The following NEK2 variants were observed in gnomAD, a reference collection of about 807,000 sequenced individuals.
NEK2 encodes NIMA related kinase 2.
In NEK2, 28 loss-of-function variants were observed where a neutral mutation model predicts 54.1. The observed-to-expected ratio is 0.52, with a 90% confidence interval of 0.38 to 0.71. NEK2 has a LOEUF of 0.71. Among genes scored for constraint, NEK2 ranks in the 30% least tolerant of loss-of-function variants. The probability of loss-of-function intolerance (pLI) is 0.00; values close to 1 mark genes in which losing one functional copy is unlikely to be tolerated. For synonymous variants in NEK2, 176 were observed against 193.1 expected (o/e 0.91, Z 0.73); for missense variants, 407 against 531.5 (o/e 0.77, Z 2.30).
chr1:211,674,845 C>G (rs1655526924), intron 1 of NEK2, among the ~76,000 whole-genome samples: 1 of 152,186 alleles, frequency 6.6e-6, no homozygotes, highest in African/African-American at 2.4e-5. Flanking sequence ...TGCCCCATTC[C>G]ACCCCAGTCG....
At chr1:211,661,916 T>C (rs185048144), downstream of NEK2, among the ~76,000 whole-genome samples, 95 of 152,346 alleles carry the variant, frequency 6.2e-4, no homozygotes, top group Non-Finnish European at 8.8e-4. Context: ...AGATTTCTTG[T>C]ACTTTTCACC....
In NEK2 at chr1:211,665,166, G is replaced by A. The variant is rs145758861; in HGVS notation, c.1112-1514C>T. Among the ~76,000 whole-genome samples, 681 of 152,304 alleles carry A rather than the reference G, an allele frequency of 4.5e-3. 5 individuals carry two copies. Among genetic ancestry groups the A allele is most frequent in the African/African-American group, 0.013 (556 of 41,554 alleles). ...AATATACTTGTGATGGCTTCCTCAC[G>A]TGTGGATTTTATAGCCCAAGGATGG... On this transcript the variant is annotated intron_variant, in intron 7 of 7. Transcript: ENST00000366999.
At chr1:211,660,990 C>A, downstream of NEK2, 1 of 743,548 alleles carries the variant, frequency 1.3e-6, no homozygotes, top group East Asian at 2.5e-5. Context: ...CACACCAACC[C>A]ACCATCAGGG....
At chr1:211,666,713 G>A in intron 7 of NEK2, 1 of 281,240 alleles carries the variant, frequency 3.6e-6, no homozygotes, top group Non-Finnish European at 5.4e-6. Flanking sequence ...GCAGAAGAAT[G>A]GCGTGAACCC....
chr1:211,669,062 A>T (rs768158312), intron 6 of NEK2, 51 bp downstream of exon 6: 1 of 1,493,406 alleles, frequency 6.7e-7, no homozygotes, highest in African/African-American at 1.4e-5. Flanking sequence ...AGACACATCA[A>T]AATAACCCAC....
chr1:211,664,033 T>C (rs72747012), intron 7 of NEK2, among the ~76,000 whole-genome samples: 3,239 of 151,562 alleles, frequency 0.021, 53 homozygotes, highest in South Asian at 0.058. Context: ...TACAGAAAAG[T>C]GTAGAAGCAG....
At chr1:211,660,257 A>G (rs1571636189), downstream of NEK2, 1 of 396,162 alleles carries the variant, frequency 2.5e-6, no homozygotes, top group Admixed American at 3.3e-5. Flanking sequence ...GGCATTGCAT[A>G]CTGTTCAATG....
chr1:211,667,265 TAAC>T (rs1655210865), intron 6 of NEK2, 34 bp from the exon 7 acceptor site: 2 of 1,563,910 alleles, frequency 1.3e-6, no homozygotes, highest in East Asian at 4.6e-5. Flanking sequence ...AAAAAAAAAT[TAAC>T]AACTGACCTT....
chr1:211,674,783 G>A (rs1271288504), intron 1 of NEK2, among the ~76,000 whole-genome samples: 1 of 152,196 alleles, frequency 6.6e-6, no homozygotes, highest in African/African-American at 2.4e-5. Flanking sequence ...TTAGTGGGAA[G>A]TTGGCTAAAA....
intron 3 of NEK2, 144 bp downstream of exon 3, chr1:211,673,338 TG>T: frequency 4.3e-6 from 4 of 935,942 alleles, no homozygotes; most frequent in Non-Finnish European, 6.4e-6. Context: ...CCTTTGAACC[TG>T]GGAGGCAGAG....
intron 7 of NEK2, among the ~76,000 whole-genome samples, chr1:211,666,246 T>C (rs1258804775): frequency 6.6e-6 from 1 of 152,198 alleles, no homozygotes; most frequent in Non-Finnish European, 1.5e-5. Context: ...TACCAGACTT[T>C]AAATAAAGAA....
At position 211,675,516 on chromosome 1, in the gene NEK2, G is replaced by A; in HGVS notation, c.-37C>T. 3.2e-6 allele frequency: 5 copies of A among 1,583,358 alleles called. No homozygotes were observed. The South Asian group carries it at 5.5e-5, about 18-fold the overall frequency. ...CGCCAGAGTCGCGCTGCCTCACGCA[G>A]GTTGCGCCGCCAAGTGCGGAGCTCC... On this transcript the variant is annotated 5_prime_UTR_variant, in exon 1 of 8. Coordinates refer to ENST00000366999, the MANE Select transcript of NEK2 (RefSeq NM_002497.4).
chr1:211,670,443 A>G (rs922682730), intron 4 of NEK2, 36 bp from the exon 5 acceptor site: 2 of 1,586,334 alleles, frequency 1.3e-6, no homozygotes, highest in Admixed American at 1.9e-5. Context: ...CGACGAAGAC[A>G]TTTTCAAATT....
chr1:211,668,725 A>G lies in NEK2; in HGVS notation c.985+388T>C, dbSNP rs181001470. ...ATTCTGTTGGAGTGGCCATTTCAAAAGACAAAAGTCATGGTTTTTTATTAT... is the reference window on the plus strand; with the variant it reads ...ATTCTGTTGGAGTGGCCATTTCAAAGGACAAAAGTCATGGTTTTTTATTAT... On this transcript the variant is annotated intron_variant, in intron 6 of 7. Transcript: ENST00000366999. 1.6e-3 allele frequency among the ~76,000 whole-genome samples: 249 copies of G among 152,344 alleles called. 2 individuals are homozygous for G. The highest frequency in any genetic ancestry group is 5.6e-3 in the African/African-American group (234 of 41,572).
rs765264279 is a variant in NEK2, at chr1:211,667,062, T to G, written c.1111+44A>C. ...GGGAGCAACACTGGTGCACATTTCT[T>G]CATTTGTAGCACCAGCTTCTGTTGA... is the stretch of plus-strand genomic sequence containing the variant. On this transcript the variant is annotated intron_variant, in intron 7 of 7. Transcript: ENST00000366999. The G allele has an allele frequency of 2.2e-5, 36 of 1,612,074 alleles. No homozygotes were observed. In the Admixed American group the frequency reaches 5.2e-4, roughly 23 times the overall value.
chr1:211,669,043 G>T, intron 6 of NEK2, 70 bp downstream of exon 6: 2 of 1,327,372 alleles, frequency 1.5e-6, no homozygotes, highest in Non-Finnish European at 1.1e-6. Flanking sequence ...TCTGCTCAAA[G>T]AGATATTCAG....
At chr1:211,667,044 A>G in intron 7 of NEK2, 62 bp downstream of exon 7, 1 of 1,608,608 alleles carries the variant, frequency 6.2e-7, no homozygotes, top group Non-Finnish European at 8.5e-7. Flanking sequence ...TTTGGGAGCA[A>G]CACTGGTGCA....
rs1211179624 is a variant in NEK2 at position 211,663,496 on chromosome 1, C to T, written c.1268G>A (p.Arg423Gln). The T allele has an allele frequency of 6.2e-6, 10 of 1,613,800 alleles. No individual in the cohort carries two copies. Among genetic ancestry groups the T allele is most frequent in the Admixed American group, 3.3e-5 (2 of 59,998 alleles). The change falls in exon 8 of 8, where the codon CGG becomes CAG. Residue 423 changes from arginine to glutamine, a missense_variant. Transcript: ENST00000366999. ...CTCAATATCTGACAGGGCTTGAGCC[C>T]GCAGCTGGGCAGCGTGAAGCCTTTT... is the stretch of plus-strand genomic sequence containing the variant. ...LKKRLHAAQL[R>Q]AQALSDIEKN...
chr1:211,675,347 T>C (rs1655546109), intron 1 of NEK2, 37 bp downstream of exon 1: 1 of 1,594,262 alleles, frequency 6.3e-7, no homozygotes, highest in African/African-American at 1.3e-5. Flanking sequence ...CGACGAAACC[T>C]AAGCAGGGGC....
Sources: allele counts gnomAD v4.1 joint callset (sites outside exome capture counted in the v4.1 genomes callset), GRCh38; gene constraint gnomAD v4.1.1; transcripts MANE v1.5; gene names NCBI Gene and HGNC (gene_info 2026-07-23, HGNC 2026-07-21).